The following SH3GL3 variants were observed in gnomAD, a reference collection of about 807,000 sequenced individuals.
SH3GL3 encodes SH3 domain containing GRB2 like 3, endophilin A3.
In SH3GL3, 33 loss-of-function variants were observed where a neutral mutation model predicts 47.7. The observed-to-expected ratio is 0.69, with a 90% confidence interval of 0.52 to 0.92. The LOEUF is 0.92. Ranked by LOEUF, SH3GL3 falls within the 40% of genes least tolerant of loss-of-function variation. The pLI, the probability that SH3GL3 is intolerant of heterozygous loss-of-function variation, is 0.00. For synonymous variants in SH3GL3, 155 were observed against 148.8 expected, an observed-to-expected ratio of 1.04 and a Z score of -0.30; for missense variants, 363 against 417.8, an observed-to-expected ratio of 0.87 and a Z score of 1.14.
intron 1 of SH3GL3, among the ~76,000 whole-genome samples, chr15:83,502,354 T>C (rs753685600): frequency 6.6e-6 from 1 of 152,170 alleles, no homozygotes; most frequent in East Asian, 1.9e-4. Flanking sequence ...GGTGTAATGG[T>C]GAGTGGAGGT....
At chr15:83,481,085 G>A (rs2151555672) in intron 1 of SH3GL3, among the ~76,000 whole-genome samples, 1 of 152,188 alleles carries the variant, frequency 6.6e-6, no homozygotes, top group Admixed American at 6.5e-5. Context: ...AGACCAGGCT[G>A]GCCAACATGG....
intron 7 of SH3GL3, among the ~76,000 whole-genome samples, chr15:83,588,280 A>G (rs1226278614): frequency 6.6e-6 from 1 of 151,850 alleles, no homozygotes; most frequent in Non-Finnish European, 1.5e-5. Context: ...ACAGGCGCCC[A>G]CCACCATGCC....
chr15:83,504,997 A>G (rs2042435978), intron 1 of SH3GL3, among the ~76,000 whole-genome samples: 1 of 152,156 alleles, frequency 6.6e-6, no homozygotes, highest in East Asian at 1.9e-4. Context: ...TTATACATGT[A>G]TTTTAAAATT....
At chr15:83,551,205 G>A (rs1335318465) in intron 1 of SH3GL3, among the ~76,000 whole-genome samples, 1 of 152,166 alleles carries the variant, frequency 6.6e-6, no homozygotes, top group Non-Finnish European at 1.5e-5. Flanking sequence ...CAAAATTAAA[G>A]CTGCCAAGAA....
At chr15:83,536,526 C>T (rs930896771) in intron 1 of SH3GL3, among the ~76,000 whole-genome samples, 1 of 151,722 alleles carries the variant, frequency 6.6e-6, no homozygotes. Flanking sequence ...TCTCAGCCTC[C>T]TGAGTAGCTG....
intron 3 of SH3GL3, among the ~76,000 whole-genome samples, chr15:83,567,225 A>G (rs1355195856): frequency 1.3e-5 from 2 of 152,144 alleles, no homozygotes; most frequent in African/African-American, 2.4e-5. Flanking sequence ...ATTATGCCAC[A>G]GTATTCCCTC....
intron 1 of SH3GL3, among the ~76,000 whole-genome samples, chr15:83,462,324 C>G (rs1014686694): frequency 2.0e-5 from 3 of 152,222 alleles, no homozygotes; most frequent in Non-Finnish European, 1.5e-5. Context: ...CTTCACTTGA[C>G]AGGATAATGC....
intron 1 of SH3GL3, among the ~76,000 whole-genome samples, chr15:83,484,169 T>A (rs1436371074): frequency 6.6e-6 from 1 of 152,236 alleles, no homozygotes; most frequent in Non-Finnish European, 1.5e-5. Flanking sequence ...ATACAAATAT[T>A]ACCCCCAATT....
chr15:83,504,776 T>G (rs28405447), intron 1 of SH3GL3, among the ~76,000 whole-genome samples: 27,591 of 152,220 alleles, frequency 0.18, 2,916 homozygotes, highest in South Asian at 0.45. Flanking sequence ...GCTCCTGGAT[T>G]CCTGACTCTC....
At chr15:83,534,251 A>G (rs1294331215) in intron 1 of SH3GL3, among the ~76,000 whole-genome samples, 3 of 152,058 alleles carry the variant, frequency 2.0e-5, no homozygotes, top group African/African-American at 4.8e-5. Context: ...ATGCTGTTGG[A>G]CTTACTGGCC....
chr15:83,594,288 T>A (rs2060185019), intron 8 of SH3GL3, among the ~76,000 whole-genome samples: 1 of 152,242 alleles, frequency 6.6e-6, no homozygotes. Context: ...TGAATTACAT[T>A]GTTAGTTAAA....
intron 1 of SH3GL3, among the ~76,000 whole-genome samples, chr15:83,450,713 T>C (rs923515595): frequency 1.1e-4 from 17 of 150,160 alleles, no homozygotes; most frequent in South Asian, 2.1e-4. Context: ...TTCTTTTTTT[T>C]TTTTTTTCTA....
At position 83,558,369 on chromosome 15, in the gene SH3GL3, C is replaced by T. The variant is rs191084785; in HGVS notation, c.46-884C>T. ...TCAGATTTTATTTTCCTCCATTCTT[C>T]CTTGTGCACTAGTTTTCACAGTTAA... is the stretch of plus-strand genomic sequence containing the variant. On this transcript the variant is annotated intron_variant, in intron 1 of 8. Coordinates refer to ENST00000427482, the MANE Select transcript of SH3GL3 (RefSeq NM_003027.5). Among the ~76,000 whole-genome samples, 319 of 152,210 alleles carry T rather than the reference C, an allele frequency of 2.1e-3. 1 individual carries two copies. The highest frequency in any genetic ancestry group is 0.014 in the Admixed American group (212 of 15,272).
intron 1 of SH3GL3, among the ~76,000 whole-genome samples, chr15:83,558,135 T>C (rs1231940623): frequency 6.6e-6 from 1 of 152,210 alleles, no homozygotes; most frequent in East Asian, 1.9e-4. Flanking sequence ...AGGGCGTAGA[T>C]TATGTTAATG....
At chr15:83,523,687 A>G (rs2043297518) in intron 1 of SH3GL3, among the ~76,000 whole-genome samples, 1 of 152,156 alleles carries the variant, frequency 6.6e-6, no homozygotes, top group South Asian at 2.1e-4. Flanking sequence ...TATGTATCCA[A>G]CATAGCCTAA....
intron 1 of SH3GL3, among the ~76,000 whole-genome samples, chr15:83,503,129 C>T (rs1367935419): frequency 1.3e-5 from 2 of 151,930 alleles, no homozygotes; most frequent in African/African-American, 4.8e-5. Context: ...TCATACATCA[C>T]TTATGTTCAT....
intron 8 of SH3GL3, among the ~76,000 whole-genome samples, chr15:83,609,667 A>G (rs1261075559): frequency 6.6e-6 from 1 of 152,142 alleles, no homozygotes; most frequent in Non-Finnish European, 1.5e-5. Context: ...CCAGCAAAGG[A>G]GCAAGCACAG....
chr15:83,600,014 G>A lies in SH3GL3; in HGVS notation c.838+11243G>A, dbSNP rs576276174. The stretch of plus-strand genomic sequence containing the variant: ...CTTTTGAGAATTGTCTATTCATGTC[G>A]TTAGCCCACTTTTAGATGGGATTGT... On this transcript the variant is annotated intron_variant, in intron 8 of 8. Transcript: ENST00000427482. Among the ~76,000 whole-genome samples, 89 of 143,810 alleles carry A rather than the reference G, an allele frequency of 6.2e-4. 1 individual carries two copies. Among genetic ancestry groups the A allele is most frequent in the African/African-American group, 1.7e-3 (64 of 38,244 alleles). The allele number at this position is 143,810 out of a possible 152,430, so 94.3% of individuals were successfully genotyped here. A position where few individuals can be genotyped will look rare whatever the true frequency, so the allele number is the denominator to read the frequency against.
chr15:83,576,979 C>T (rs566508971), intron 6 of SH3GL3, among the ~76,000 whole-genome samples: 5 of 124,312 alleles, frequency 4.0e-5, no homozygotes, highest in East Asian at 4.5e-4. Context: ...TGCAGTGTCT[C>T]GGCTCACTAC....
Sources: allele counts gnomAD v4.1 joint callset (sites outside exome capture counted in the v4.1 genomes callset), GRCh38; gene constraint gnomAD v4.1.1; transcripts MANE v1.5; gene names NCBI Gene and HGNC (gene_info 2026-07-23, HGNC 2026-07-21).